Variants in DCLK2 observed in about 807,000 individuals in gnomAD.
The protein encoded by DCLK2 is doublecortin like kinase 2, also known as serine/threonine-protein kinase DCLK2.
In DCLK2, 31 loss-of-function variants were observed where a neutral mutation model predicts 78.4. The observed-to-expected ratio is 0.40, with a 90% confidence interval of 0.30 to 0.53. DCLK2 has a LOEUF of 0.53. Ranked by LOEUF, DCLK2 falls within the 20% of genes least tolerant of loss-of-function variation. The pLI is 0.61. For synonymous variants in DCLK2, 407 were observed against 374.9 expected (o/e 1.09, Z -0.99); for missense variants, 872 against 973.7 (o/e 0.90, Z 1.39).
intron 2 of DCLK2, among the ~76,000 whole-genome samples, chr4:150,113,730 T>C (rs1731866908): frequency 1.3e-5 from 2 of 151,954 alleles, no homozygotes; most frequent in African/African-American, 2.4e-5. Flanking sequence ...TTGTATTGTC[T>C]TTTTTATATC....
In DCLK2 at chr4:150,148,594, C is replaced by A. The variant is rs1174997245; in HGVS notation, c.757-44544C>A. 2.0e-5 allele frequency among the ~76,000 whole-genome samples: 3 copies of A among 151,962 alleles called. 1 individual carries two copies. The highest frequency in any genetic ancestry group is 7.2e-5 in the African/African-American group (3 of 41,390). The stretch of plus-strand genomic sequence containing the variant: ...CTTATTTATAGTGAATGTTAACTTA[C>A]AACAGTAAGTACACTTTGATTCACC... On this transcript the variant is annotated intron_variant, in intron 2 of 15. Coordinates refer to ENST00000296550, the MANE Select transcript of DCLK2 (RefSeq NM_001040260.4).
At chr4:150,255,740 G>C (rs1045383504) in intron 15 of DCLK2, among the ~76,000 whole-genome samples, 41 of 152,164 alleles carry the variant, frequency 2.7e-4, no homozygotes, top group Non-Finnish European at 5.3e-4. Flanking sequence ...GAAGGGGTGA[G>C]AACCCAGGCA....
intron 2 of DCLK2, among the ~76,000 whole-genome samples, chr4:150,146,998 A>T (rs1445864414): frequency 3.9e-5 from 6 of 151,950 alleles, no homozygotes. Flanking sequence ...GAAATACTGT[A>T]TGTGGCCAAG....
chr4:150,249,798 C>T (rs906346522), intron 15 of DCLK2, 114 bp downstream of exon 15: 9 of 842,924 alleles, frequency 1.1e-5, no homozygotes, highest in Admixed American at 5.5e-5. Flanking sequence ...AGTCCTATTT[C>T]ATATGAAGAT....
At chr4:150,171,449 C>G (rs1484636671) in intron 2 of DCLK2, among the ~76,000 whole-genome samples, 1 of 152,158 alleles carries the variant, frequency 6.6e-6, no homozygotes, top group Non-Finnish European at 1.5e-5. Flanking sequence ...CCACTGCACT[C>G]CAGCCTGGGC....
intron 2 of DCLK2, among the ~76,000 whole-genome samples, chr4:150,184,807 T>TG (rs1374074521): frequency 6.6e-6 from 1 of 152,004 alleles, no homozygotes; most frequent in Non-Finnish European, 1.5e-5. Flanking sequence ...TTCACCATAT[T>TG]AGCCAGGATG....
At chr4:150,086,120 G>A (rs1001374517) in intron 1 of DCLK2, among the ~76,000 whole-genome samples, 2 of 152,160 alleles carry the variant, frequency 1.3e-5, no homozygotes, top group Non-Finnish European at 2.9e-5. Flanking sequence ...CCAACAGGGG[G>A]TGGGACCACA....
At chr4:150,226,171 A>G (rs1185142709) in intron 8 of DCLK2, among the ~76,000 whole-genome samples, 1 of 151,998 alleles carries the variant, frequency 6.6e-6, no homozygotes, top group African/African-American at 2.4e-5. Flanking sequence ...ATGGTTTAGA[A>G]AAATCTTCTC....
rs574510790 is a variant in DCLK2, at chr4:150,163,922, C to T, written c.757-29216C>T. Among the ~76,000 whole-genome samples, 5 of 152,276 alleles carry T rather than the reference C, an allele frequency of 3.3e-5. No individual in the cohort carries two copies. The East Asian group carries it at 7.7e-4, about 23-fold the overall frequency. On this transcript the variant is annotated intron_variant, in intron 2 of 15. Coordinates refer to ENST00000296550, the MANE Select transcript of DCLK2 (RefSeq NM_001040260.4). ...CTACTTTCCATGGTTAAGGACAGTA[C>T]CAACCCTTTGCAACATCTGTTTTGC... is the stretch of plus-strand genomic sequence containing the variant.
intron 12 of DCLK2, among the ~76,000 whole-genome samples, chr4:150,245,085 C>T (rs1531335): frequency 0.66 from 99,775 of 152,132 alleles, 33,061 homozygotes; most frequent in South Asian, 0.81. Flanking sequence ...CCCTCTGGTT[C>T]TCTGAAGTTT....
chr4:150,180,749 A>G (rs926935853), intron 2 of DCLK2, among the ~76,000 whole-genome samples: 19 of 152,234 alleles, frequency 1.2e-4, no homozygotes, highest in Middle Eastern at 6.8e-3. Context: ...CAGGCAGGCC[A>G]CGGAAACTAG....
chr4:150,252,389 C>G (rs959383245), intron 15 of DCLK2, among the ~76,000 whole-genome samples: 1 of 152,168 alleles, frequency 6.6e-6, no homozygotes, highest in Admixed American at 6.5e-5. Flanking sequence ...GAGGAAGAAC[C>G]TTTAACCGCC....
In DCLK2 at chr4:150,079,240, C is replaced by T. The variant is rs761003115; in HGVS notation, c.213C>T (p.Ala71=). 3 of 1,609,298 alleles carry T rather than the reference C, an allele frequency of 1.9e-6. No homozygotes were observed. The highest frequency in any genetic ancestry group is 2.5e-6 in the Non-Finnish European group (3 of 1,178,006). ...AGGCCCTCAGCTCGGAGAAGAAGGC[C>T]AAGAAGGCGCGCTTCTACCGGAACG... ...TLQALSSEKK[A]KKARFYRNGD... Residue 71 remains alanine (A), a synonymous_variant, in exon 1 of 16, where the codon GCC becomes GCT. Coordinates refer to ENST00000296550, the MANE Select transcript of DCLK2 (RefSeq NM_001040260.4).
intron 14 of DCLK2, among the ~76,000 whole-genome samples, chr4:150,249,304 C>T (rs1011844772): frequency 5.9e-5 from 9 of 152,028 alleles, no homozygotes; most frequent in African/African-American, 1.5e-4. Flanking sequence ...CTTTGTGTCC[C>T]GGGAGACCTG....
At chr4:150,202,644 T>C (rs1404574226) in intron 4 of DCLK2, among the ~76,000 whole-genome samples, 1 of 152,194 alleles carries the variant, frequency 6.6e-6, no homozygotes, top group African/African-American at 2.4e-5. Context: ...TAGTGTGATT[T>C]AAAATAATAG....
intron 2 of DCLK2, among the ~76,000 whole-genome samples, chr4:150,120,207 T>C (rs1732419048): frequency 6.6e-6 from 1 of 152,260 alleles, no homozygotes; most frequent in African/African-American, 2.4e-5. Flanking sequence ...TCCAGCTTTC[T>C]AATTTTGTAA....
At chr4:150,243,573 A>T (rs1743079892) in intron 12 of DCLK2, among the ~76,000 whole-genome samples, 1 of 152,238 alleles carries the variant, frequency 6.6e-6, no homozygotes, top group African/African-American at 2.4e-5. Flanking sequence ...TCTTTGTTTT[A>T]TACAAAAGAC....
chr4:150,169,586 G>A (rs1736357791), intron 2 of DCLK2, among the ~76,000 whole-genome samples: 1 of 151,330 alleles, frequency 6.6e-6, no homozygotes, highest in Non-Finnish European at 1.5e-5. Flanking sequence ...GAACCTGGGA[G>A]ATGGAGGTTG....
chr4:150,116,774 T>C (rs1013044379), intron 2 of DCLK2, among the ~76,000 whole-genome samples: 4 of 152,168 alleles, frequency 2.6e-5, no homozygotes, highest in Admixed American at 6.6e-5. Flanking sequence ...TCAGGGCCTC[T>C]TGGTTAGCCA....
Sources: allele counts gnomAD v4.1 joint callset (sites outside exome capture counted in the v4.1 genomes callset), GRCh38; gene constraint gnomAD v4.1.1; transcripts MANE v1.5; gene names NCBI Gene and HGNC (gene_info 2026-07-23, HGNC 2026-07-21).